The following ADORA1 variants were observed in gnomAD, a reference collection of about 807,000 sequenced individuals.
ADORA1 encodes the protein adenosine receptor A1.
A neutral mutation model predicts 19.9 loss-of-function variants in ADORA1; 6 were observed. The observed-to-expected ratio is 0.30, with a 90% CI of 0.17 to 0.59. The LOEUF (loss-of-function observed/expected upper bound fraction) is 0.59. Among genes scored for constraint, ADORA1 ranks in the 20% least tolerant of loss-of-function variants. The pLI is 0.87. For missense variants in ADORA1, 302 were observed against 439.2 expected (o/e 0.69, Z 2.79); for synonymous variants, 194 against 188.4 (o/e 1.03, Z -0.24).
intron 3 of ADORA1, among the ~76,000 whole-genome samples, chr1:203,146,740 C>T (rs1309925622): frequency 6.6e-6 from 1 of 152,150 alleles, no homozygotes; most frequent in African/African-American, 2.4e-5. Context: ...GTGCTGTGGG[C>T]ACGAGCCAGG....
At position 203,134,593 on chromosome 1, in the gene ADORA1, G is replaced by A. The variant is rs575769829; in HGVS notation, c.341+5411G>A. 3.9e-5 allele frequency among the ~76,000 whole-genome samples: 6 copies of A among 152,308 alleles called. No individual in the cohort carries two copies. The East Asian group carries it at 9.6e-4, about 24-fold the overall frequency. ...GAGGTGTCAGCTCTGCGTGGAAGCC[G>A]GAGAATGGCCAGGATGCCTTTTACC... On this transcript the variant is annotated intron_variant, in intron 3 of 3. Coordinates refer to ENST00000337894, the MANE Select transcript of ADORA1 (RefSeq NM_000674.3).
intron 3 of ADORA1, among the ~76,000 whole-genome samples, chr1:203,150,389 C>T (rs1307039530): frequency 6.6e-6 from 1 of 152,212 alleles, no homozygotes; most frequent in Non-Finnish European, 1.5e-5. Context: ...CTGGGGAGGA[C>T]TGGTTCCCGG....
rs1012555356 is a variant in ADORA1 at position 203,148,832 on chromosome 1, C to T, written c.342-16429C>T. ...CCCTGGCTGCAGTGCATGTCCTACCCGATTCTTGCCTGGTGGCGTTCCCCA... is the reference window on the plus strand; with the variant it reads ...CCCTGGCTGCAGTGCATGTCCTACCTGATTCTTGCCTGGTGGCGTTCCCCA... On this transcript the variant is annotated intron_variant, in intron 3 of 3. Coordinates refer to ENST00000337894, the MANE Select transcript of ADORA1 (RefSeq NM_000674.3). Among the ~76,000 whole-genome samples, 9 of 152,174 alleles carry T rather than the reference C, an allele frequency of 5.9e-5. No individual in the cohort carries two copies. In the South Asian group the frequency reaches 6.2e-4, roughly 11 times the overall value.
At chr1:203,161,466 C>T (rs1655364731) in intron 3 of ADORA1, among the ~76,000 whole-genome samples, 1 of 152,060 alleles carries the variant, frequency 6.6e-6, no homozygotes, top group Non-Finnish European at 1.5e-5. Flanking sequence ...AAATAGCCCA[C>T]AGAGAAGGCA....
At position 203,128,764 on chromosome 1, in the gene ADORA1, C is replaced by T; in HGVS notation, c.-57-21C>T. The T allele has an allele frequency of 6.6e-7, 1 of 1,520,488 alleles. No homozygotes were observed. Among genetic ancestry groups the T allele is most frequent in the East Asian group, 2.3e-5 (1 of 44,162 alleles). The allele number at this position is 1,520,488 out of a possible 1,614,324, so 94.2% of individuals were successfully genotyped here. On this transcript the variant is annotated intron_variant, in intron 2 of 3. Coordinates refer to ENST00000337894, the MANE Select transcript of ADORA1 (RefSeq NM_000674.3). This position sits in a 1 kb window ranked among gnomAD's most constrained non-coding sequence, Gnocchi z 5.9. ...CCCTCCCAGACGGGTCTCCCCATCC[C>T]AGGCTTCCCTGACCACACAGGTGCT...
chr1:203,144,061 T>C (rs12565957), intron 3 of ADORA1, among the ~76,000 whole-genome samples: 48,065 of 148,096 alleles, frequency 0.32, 10,046 homozygotes, highest in East Asian at 0.63. Flanking sequence ...AGAAAGGGAT[T>C]TAACATCAAG....
Position 203,129,122 on chromosome 1 carries a change from C to T in ADORA1, c.281C>T (p.Ser94Phe), listed in dbSNP as rs747341751. 1 of 1,614,074 alleles carries T rather than the reference C, an allele frequency of 6.2e-7. No homozygotes were observed. The highest frequency in any genetic ancestry group is 2.2e-5 in the East Asian group (1 of 44,898). Residue 94 changes from serine (S) to phenylalanine (F), a missense_variant, in exon 3 of 4, where the codon TCC becomes TTC. Physicochemically the swap from Ser to Phe is radical, Grantham distance 155. Transcript: ENST00000337894. ...CCGGTCCTCATCCTCACCCAGAGCT[C>T]CATCCTGGCCCTGCTGGCAATTGCT... ...ACPVLILTQS[S>F]ILALLAIAVD...
chr1:203,143,539 CTG>C (rs3841801), intron 3 of ADORA1, among the ~76,000 whole-genome samples: 1,049 of 79,126 alleles, frequency 0.013, 7 homozygotes, highest in African/African-American at 0.084. Context: ...ATATGCACAC[CTG>C]TGTGTGTGTG....
At chr1:203,153,289 T>C (rs977813432) in intron 3 of ADORA1, among the ~76,000 whole-genome samples, 2 of 152,168 alleles carry the variant, frequency 1.3e-5, no homozygotes, top group Non-Finnish European at 2.9e-5. Flanking sequence ...AGTTCCTTCA[T>C]GGTGGGATCT....
intron 3 of ADORA1, among the ~76,000 whole-genome samples, chr1:203,148,676 G>A (rs1193985821): frequency 6.6e-6 from 1 of 152,200 alleles, no homozygotes; most frequent in Non-Finnish European, 1.5e-5. Flanking sequence ...GGAATTGGAA[G>A]TTGGAGGCCC....
chr1:203,142,845 C>A (rs1393754700), intron 3 of ADORA1, among the ~76,000 whole-genome samples: 4 of 152,040 alleles, frequency 2.6e-5, no homozygotes, highest in Non-Finnish European at 5.9e-5. Context: ...CCTGGCAGCT[C>A]TGTAAATTGA....
chr1:203,128,663 C>A lies in ADORA1; in HGVS notation c.-57-122C>A. The A allele has an allele frequency of 8.1e-7, 1 of 1,231,074 alleles. No homozygotes were observed. Among genetic ancestry groups the A allele is most frequent in the Non-Finnish European group, 1.1e-6 (1 of 911,024 alleles). The allele number at this position is 1,231,074 out of a possible 1,614,324, so 76.3% of individuals were successfully genotyped here. ...AGAAGGGTCCGGGTGCCCCTCCAGC[C>A]TGGGTAGGAGCTGCATGTGACAAGT... is the stretch of plus-strand genomic sequence containing the variant. On this transcript the variant is annotated intron_variant, in intron 2 of 3. Coordinates refer to ENST00000337894, the MANE Select transcript of ADORA1 (RefSeq NM_000674.3). The surrounding 1 kb of genome is among the most constrained non-coding windows in gnomAD (Gnocchi z 5.9).
chr1:203,149,420 A>C (rs1238824913), intron 3 of ADORA1, among the ~76,000 whole-genome samples: 1 of 152,106 alleles, frequency 6.6e-6, no homozygotes, highest in African/African-American at 2.4e-5. Context: ...GGCCTGGGAT[A>C]CTGCCAGCAG....
chr1:203,167,278 CG>C lies in ADORA1; in HGVS notation c.*1379del, dbSNP rs1477221782. 3 of 152,352 alleles carry C rather than the reference CG, an allele frequency of 2.0e-5. No homozygotes were observed. Among genetic ancestry groups the C allele is most frequent in the African/African-American group, 7.2e-5 (3 of 41,496 alleles). 9.4% of individuals were successfully genotyped at this position (152,352 alleles called of 1,614,324 possible). ...GGGGCGAGGGAGGGGAGGTGGCCGT[CG>C]AGTTGACCTTCTGAACATGAGTGTC... is the stretch of plus-strand genomic sequence containing the variant. On this transcript the variant is annotated 3_prime_UTR_variant, in exon 4 of 4. Coordinates refer to ENST00000337894, the MANE Select transcript of ADORA1 (RefSeq NM_000674.3).
intron 3 of ADORA1, among the ~76,000 whole-genome samples, chr1:203,135,022 C>A (rs1456617717): frequency 6.6e-6 from 1 of 152,208 alleles, no homozygotes; most frequent in Non-Finnish European, 1.5e-5. Context: ...CTGAGCCCCA[C>A]CCCACCTGGA....
chr1:203,145,295 C>T (rs1286139791), intron 3 of ADORA1, among the ~76,000 whole-genome samples: 1 of 152,254 alleles, frequency 6.6e-6, no homozygotes, highest in Non-Finnish European at 1.5e-5. Context: ...ATCCCCCAAT[C>T]TGCCCAGCAC....
At chr1:203,150,611 AT>A in intron 3 of ADORA1, 1 of 1,289,150 alleles carries the variant, frequency 7.8e-7, no homozygotes, top group Non-Finnish European at 1.0e-6. Flanking sequence ...ATCGGGGAGA[AT>A]ATGACTGTAC....
At chr1:203,131,661 G>A (rs1654336079) in intron 3 of ADORA1, among the ~76,000 whole-genome samples, 1 of 152,212 alleles carries the variant, frequency 6.6e-6, no homozygotes, top group African/African-American at 2.4e-5. Context: ...CCCATGGAGA[G>A]GAGCCTTTCT....
chr1:203,150,973 G>A (rs1416328583), intron 3 of ADORA1, among the ~76,000 whole-genome samples: 3 of 152,178 alleles, frequency 2.0e-5, no homozygotes, highest in African/African-American at 7.2e-5. Context: ...ACTCCAGACT[G>A]TCAGCAGGCA....
Sources: gnomAD v4.1 joint callset for allele counts (sites outside exome capture counted in the v4.1 genomes callset) on GRCh38, gnomAD v4.1.1 for gene constraint, Gnocchi (gnomAD v3.1) non-coding constraint, MANE v1.5 for transcripts, NCBI Gene and HGNC (gene_info 2026-07-23, HGNC 2026-07-21) for gene names.